FAM117A: variants seen among roughly 807,000 people sequenced by gnomAD.
The protein encoded by FAM117A is family with sequence similarity 117 member A.
In FAM117A, 21 loss-of-function variants were observed where a neutral mutation model predicts 44.1. The ratio of observed to expected loss-of-function variants is 0.48; its 90% CI spans 0.34 to 0.69. The LOEUF (loss-of-function observed/expected upper bound fraction) is 0.69. FAM117A is among the 30% of genes least tolerant of loss of function. The pLI is 0.01. For synonymous variants in FAM117A, 220 were observed against 238.3 expected (o/e 0.92, Z 0.71); for missense variants, 498 against 589.9 (o/e 0.84, Z 1.61).
At chr17:49,720,046 CAG>C in intron 4 of FAM117A, 152 bp from the exon 5 acceptor site, 9 of 1,122,456 alleles carry the variant, frequency 8.0e-6, no homozygotes, top group Non-Finnish European at 9.8e-6. Context: ...TAGGTCCACT[CAG>C]GGCAGTTTTC....
At chr17:49,787,759 G>C (rs1383881134) in intron 1 of FAM117A, among the ~76,000 whole-genome samples, 1 of 152,180 alleles carries the variant, frequency 6.6e-6, no homozygotes, top group Non-Finnish European at 1.5e-5. Context: ...TAGTATCTGT[G>C]ACCAACTTCT....
chr17:49,723,882 C>T (rs2073546965), intron 2 of FAM117A, among the ~76,000 whole-genome samples: 1 of 152,114 alleles, frequency 6.6e-6, no homozygotes, highest in Non-Finnish European at 1.5e-5. Context: ...GACAACTACC[C>T]TAACTTTCTT....
chr17:49,717,464 A>C, intron 6 of FAM117A, 49 bp downstream of exon 6: 1 of 1,561,984 alleles, frequency 6.4e-7, no homozygotes, highest in Non-Finnish European at 8.8e-7. Context: ...GAGTGGAGCC[A>C]CTCATGTGCC....
chr17:49,749,533 C>T (rs566348787), intron 1 of FAM117A, among the ~76,000 whole-genome samples: 3 of 127,436 alleles, frequency 2.4e-5, no homozygotes, highest in South Asian at 4.7e-4. Flanking sequence ...GCCGAGATCG[C>T]GCCACTGTAC....
chr17:49,766,728 G>A (rs2073746835), upstream of FAM117A, among the ~76,000 whole-genome samples: 3 of 152,230 alleles, frequency 2.0e-5, no homozygotes, highest in Non-Finnish European at 4.4e-5. Flanking sequence ...AAAGCCCTAG[G>A]ATGAGAATCT....
At chr17:49,766,770 C>G (rs905829410), upstream of FAM117A, among the ~76,000 whole-genome samples, 2 of 152,242 alleles carry the variant, frequency 1.3e-5, no homozygotes, top group East Asian at 3.8e-4. Flanking sequence ...CTTCCTCTCT[C>G]TGTGCCAGAA....
At chr17:49,758,981 C>A (rs1567835962) in intron 1 of FAM117A, among the ~76,000 whole-genome samples, 1 of 152,226 alleles carries the variant, frequency 6.6e-6, no homozygotes, top group Non-Finnish European at 1.5e-5. Flanking sequence ...GCATAGTGTT[C>A]TCTTGGCTAT....
At position 49,720,393 on chromosome 17, in the gene FAM117A, C is replaced by T. The variant is rs755049183; in HGVS notation, c.506G>A (p.Arg169His). Reference sequence around the variant, plus strand: ...ACCTCGCTCCTTCTCTTTCCCACTGCGGCTCAGCTTCGTCCTCTGCAGTTG... The same window carrying T: ...ACCTCGCTCCTTCTCTTTCCCACTGTGGCTCAGCTTCGTCCTCTGCAGTTG... ...KQQLQRTKLS[R>H]SGKEKERGSP... is the part of the protein sequence containing the mutation. The change falls in exon 4 of 8, where the codon CGC becomes CAC. Residue 169 changes from arginine to histidine, a missense_variant. Arg to His is a conservative substitution (Grantham distance 29, BLOSUM62 0). Coordinates refer to ENST00000240364, the MANE Select transcript of FAM117A (RefSeq NM_030802.4). 8.7e-6 allele frequency: 14 copies of T among 1,613,696 alleles called. No homozygotes were observed. The highest frequency in any genetic ancestry group is 1.7e-5 in the Admixed American group (1 of 60,000).
intron 3 of FAM117A, 50 bp from the exon 4 acceptor site, chr17:49,720,486 T>C (rs1430075921): frequency 6.9e-7 from 1 of 1,447,502 alleles, no homozygotes; most frequent in African/African-American, 1.4e-5. Context: ...AAAGCCAAAG[T>C]GCACTGGGTC....
At chr17:49,784,948 A>G (rs1369237943) in intron 1 of FAM117A, among the ~76,000 whole-genome samples, 18 of 152,220 alleles carry the variant, frequency 1.2e-4, no homozygotes, top group Admixed American at 1.2e-3. Context: ...GTGGTTGAAC[A>G]GAGGTTGAAC....
intron 1 of FAM117A, among the ~76,000 whole-genome samples, chr17:49,746,695 T>C (rs2073655629): frequency 6.6e-6 from 1 of 152,162 alleles, no homozygotes; most frequent in Non-Finnish European, 1.5e-5. Context: ...TCGGCATCCA[T>C]TTGTCATGAT....
chr17:49,728,533 T>C (rs941272908), intron 2 of FAM117A, among the ~76,000 whole-genome samples: 1 of 151,840 alleles, frequency 6.6e-6, no homozygotes, highest in Admixed American at 6.6e-5. Context: ...AATGGGGGGC[T>C]GGGCTAGGCA....
chr17:49,754,709 C>A (rs1207275983), intron 1 of FAM117A, among the ~76,000 whole-genome samples: 1 of 152,050 alleles, frequency 6.6e-6, no homozygotes, highest in Non-Finnish European at 1.5e-5. Context: ...CACATTTTCA[C>A]TCTGTTCAAA....
At chr17:49,749,776 G>A (rs774508552) in intron 1 of FAM117A, among the ~76,000 whole-genome samples, 1 of 147,876 alleles carries the variant, frequency 6.8e-6, no homozygotes, top group Non-Finnish European at 1.5e-5. Context: ...TGGGACACAC[G>A]GCAGTGGGCA....
At chr17:49,720,674 C>T (rs2073529968) in intron 3 of FAM117A, among the ~76,000 whole-genome samples, 1 of 152,114 alleles carries the variant, frequency 6.6e-6, no homozygotes, top group Non-Finnish European at 1.5e-5. Flanking sequence ...TAAAAATATA[C>T]AACATGGAAA....
At chr17:49,739,697 G>A (rs1300849335) in intron 1 of FAM117A, among the ~76,000 whole-genome samples, 1 of 152,240 alleles carries the variant, frequency 6.6e-6, no homozygotes, top group African/African-American at 2.4e-5. Flanking sequence ...ACCCCTCTCA[G>A]ATTTAGGAAA....
chr17:49,763,823 C>G lies in FAM117A; in HGVS notation c.196+69G>C, dbSNP rs2073733272. ...TCCCCTCACACTTCTCCCCGTCCCC[C>G]TCCCGCGGTCACGCGCCCCCCCTCC... is the stretch of plus-strand genomic sequence containing the variant. On this transcript the variant is annotated intron_variant, in intron 1 of 7. Transcript: ENST00000240364. 1.8e-5 allele frequency: 10 copies of G among 562,886 alleles called. No individual in the cohort carries two copies. The East Asian group carries it at 4.9e-4, about 28-fold the overall frequency. The allele number at this position is 562,886 out of a possible 1,614,324, so 34.9% of individuals were successfully genotyped here.
chr17:49,782,880 G>A (rs2073794064), intron 1 of FAM117A, among the ~76,000 whole-genome samples: 1 of 152,080 alleles, frequency 6.6e-6, no homozygotes, highest in Non-Finnish European at 1.5e-5. Flanking sequence ...TGACAGAGAG[G>A]AAAGACCATG....
At chr17:49,786,309 T>G (rs1282989786) in intron 1 of FAM117A, among the ~76,000 whole-genome samples, 1 of 152,202 alleles carries the variant, frequency 6.6e-6, no homozygotes, top group Non-Finnish European at 1.5e-5. Flanking sequence ...AATGCTGGTA[T>G]TTGTGTGACG....
Sources: allele counts gnomAD v4.1 joint callset (sites outside exome capture counted in the v4.1 genomes callset), GRCh38; gene constraint gnomAD v4.1.1; transcripts MANE v1.5; gene names NCBI Gene and HGNC (gene_info 2026-07-23, HGNC 2026-07-21).